Variants in MTHFD1L observed in about 807,000 individuals in gnomAD.
MTHFD1L encodes the protein monofunctional C1-tetrahydrofolate synthase, mitochondrial.
In MTHFD1L, 81 loss-of-function variants were observed where a neutral mutation model predicts 119.5. The ratio of observed to expected loss-of-function variants is 0.68; its 90% CI spans 0.57 to 0.82. MTHFD1L has a LOEUF of 0.82. Among genes scored for constraint, MTHFD1L ranks in the 40% least tolerant of loss-of-function variants. The probability of loss-of-function intolerance (pLI) is 0.00; values close to 1 mark genes in which losing one functional copy is unlikely to be tolerated. For missense variants in MTHFD1L, 1,125 were observed against 1,253.4 expected, an observed-to-expected ratio of 0.90 and a Z score of 1.55; for synonymous variants, 430 against 475.2, an observed-to-expected ratio of 0.90 and a Z score of 1.24.
At position 150,956,008 on chromosome 6, in the gene MTHFD1L, T is replaced by C; in HGVS notation, c.1740T>C (p.Asn580=). The change falls in exon 17 of 28, where the codon AAT becomes AAC. Residue 580 remains asparagine, a synonymous_variant. Coordinates refer to ENST00000367321, the MANE Select transcript of MTHFD1L (RefSeq NM_015440.5). The stretch of plus-strand genomic sequence containing the variant: ...GTTCTCTTTCAGTATTGGATACAAA[T>C]GACCGATTTCTACGAAAAATAACCA... ...TITWQRVLDT[N]DRFLRKITIG... The C allele has an allele frequency of 3.1e-6, 5 of 1,613,978 alleles. No individual in the cohort carries two copies. Among genetic ancestry groups the C allele is most frequent in the South Asian group, 1.1e-5 (1 of 91,084 alleles).
intron 7 of MTHFD1L, among the ~76,000 whole-genome samples, chr6:150,905,036 C>CTTTT (rs36039459): frequency 0.018 from 1,968 of 111,618 alleles, 48 homozygotes; most frequent in Non-Finnish European, 0.025. Context: ...TTGTTTTCCT[C>CTTTT]TTTTTTTTTT....
At chr6:150,870,260 T>C (rs1459199611) in intron 1 of MTHFD1L, among the ~76,000 whole-genome samples, 3 of 152,198 alleles carry the variant, frequency 2.0e-5, no homozygotes, top group African/African-American at 7.2e-5. Flanking sequence ...AAATCTCTGA[T>C]TAGAAACATT....
At chr6:151,015,728 T>TA in intron 24 of MTHFD1L, 35 bp downstream of exon 24, 3 of 1,602,746 alleles carry the variant, frequency 1.9e-6, no homozygotes, top group Non-Finnish European at 2.6e-6. Context: ...TCACATTTCT[T>TA]ACACCTTAGC....
intron 26 of MTHFD1L, among the ~76,000 whole-genome samples, chr6:151,042,869 A>G (rs1787342214): frequency 6.6e-6 from 1 of 152,164 alleles, no homozygotes; most frequent in Non-Finnish European, 1.5e-5. Flanking sequence ...TCACTTTTAT[A>G]ACATGAAAAT....
intron 9 of MTHFD1L, among the ~76,000 whole-genome samples, chr6:150,921,041 T>C (rs1788830584): frequency 7.0e-6 from 1 of 141,862 alleles, no homozygotes; most frequent in African/African-American, 2.6e-5. Flanking sequence ...AACCTCCATC[T>C]CCCGGGCTCA....
At position 151,009,949 on chromosome 6, in the gene MTHFD1L, C is replaced by T. The variant is rs766076708; in HGVS notation, c.2256C>T (p.Gly752=). ...TGCGAGCTCTGAAGATGCATGGAGG[C>T]GGGCCAAGTGTAAGTGCCCACACCG... ...ATVRALKMHG[G]GPSVTAGVPL... The change falls in exon 21 of 28, where the codon GGC becomes GGT. Residue 752 remains glycine (G), a synonymous_variant. Coordinates refer to ENST00000367321, the MANE Select transcript of MTHFD1L (RefSeq NM_015440.5). The T allele has an allele frequency of 2.2e-5, 36 of 1,605,554 alleles. 1 individual carries two copies. The highest frequency in any genetic ancestry group is 1.9e-4 in the South Asian group (17 of 89,442).
chr6:150,878,189 T>TTC (rs1780788636), intron 4 of MTHFD1L, among the ~76,000 whole-genome samples: 2 of 152,140 alleles, frequency 1.3e-5, no homozygotes, highest in Non-Finnish European at 2.9e-5. Flanking sequence ...TCCTACTGGC[T>TTC]TCATGTGACA....
At chr6:150,998,060 CAT>C (rs1554275094) in intron 20 of MTHFD1L, among the ~76,000 whole-genome samples, 11 of 152,160 alleles carry the variant, frequency 7.2e-5, no homozygotes, top group Non-Finnish European at 1.6e-4. Context: ...TATATGACAC[CAT>C]GTGTGTGCAA....
chr6:150,886,035 T>C (rs1426818888), intron 6 of MTHFD1L, among the ~76,000 whole-genome samples: 1 of 152,214 alleles, frequency 6.6e-6, no homozygotes, highest in Non-Finnish European at 1.5e-5. Context: ...TTAAACATGC[T>C]CAATTTCTCT....
intron 26 of MTHFD1L, among the ~76,000 whole-genome samples, chr6:151,043,996 T>C (rs1787548882): frequency 6.6e-6 from 1 of 152,220 alleles, no homozygotes; most frequent in African/African-American, 2.4e-5. Context: ...ACTGATAATA[T>C]TTGGAATATC....
intron 6 of MTHFD1L, among the ~76,000 whole-genome samples, chr6:150,886,232 A>G (rs115105958): frequency 0.01 from 1,535 of 152,320 alleles, 23 homozygotes; most frequent in African/African-American, 0.035. Flanking sequence ...CAGGAGTTCG[A>G]GACCAGCCTG....
intron 24 of MTHFD1L, among the ~76,000 whole-genome samples, chr6:151,017,658 T>TCC (rs1783305195): frequency 6.6e-6 from 1 of 151,956 alleles, no homozygotes; most frequent in African/African-American, 2.4e-5. Context: ...ATTTCCTTTA[T>TCC]TTTTCGGGCT....
intron 26 of MTHFD1L, among the ~76,000 whole-genome samples, chr6:151,051,192 T>A (rs966752798): frequency 5.9e-5 from 9 of 152,202 alleles, no homozygotes; most frequent in African/African-American, 2.2e-4. Context: ...ATCAGAAATT[T>A]CAAGAGTTTT....
chr6:150,867,015 T>C (rs1023631806), intron 1 of MTHFD1L, among the ~76,000 whole-genome samples: 20 of 152,170 alleles, frequency 1.3e-4, no homozygotes, highest in African/African-American at 4.6e-4. Context: ...CCTTTCCTTC[T>C]AGCCTTCTTT....
At chr6:150,972,846 G>A (rs183249191) in intron 20 of MTHFD1L, among the ~76,000 whole-genome samples, 7 of 151,692 alleles carry the variant, frequency 4.6e-5, no homozygotes, top group Admixed American at 4.1e-4. Flanking sequence ...TTAATTGGTA[G>A]TACTGCACAC....
rs1562335007 is a variant in MTHFD1L at position 150,895,612 on chromosome 6, G to GT, written c.780+7631_780+7632insT. Among the ~76,000 whole-genome samples the GT allele has an allele frequency of 9.2e-5, 9 of 97,446 alleles. 1 individual carries two copies. The South Asian group carries it at 2.8e-3, about 31-fold the overall frequency. The allele number at this position is 97,446 out of a possible 152,430, so 63.9% of individuals were successfully genotyped here. ...GATCAAAGTGTCTAGGGTTTTTTGTGGTTTTTTTTTTTTTTTTTTGAACAA... is the reference window on the plus strand; with the variant it reads ...GATCAAAGTGTCTAGGGTTTTTTGTGTGTTTTTTTTTTTTTTTTTTGAACAA... On this transcript the variant is annotated intron_variant, in intron 7 of 27. Coordinates refer to ENST00000367321, the MANE Select transcript of MTHFD1L (RefSeq NM_015440.5).
intron 26 of MTHFD1L, among the ~76,000 whole-genome samples, chr6:151,041,618 C>T (rs1787118155): frequency 6.6e-6 from 1 of 152,190 alleles, no homozygotes; most frequent in South Asian, 2.1e-4. Flanking sequence ...TTATTAAATG[C>T]CTACAGCACG....
chr6:151,035,848 A>G (rs1786083051), intron 25 of MTHFD1L, among the ~76,000 whole-genome samples: 1 of 152,202 alleles, frequency 6.6e-6, no homozygotes, highest in Non-Finnish European at 1.5e-5. Context: ...TTTTTACATT[A>G]GCAAACCTGT....
At chr6:151,068,933 A>G (rs938790760) in intron 26 of MTHFD1L, among the ~76,000 whole-genome samples, 8 of 152,206 alleles carry the variant, frequency 5.3e-5, no homozygotes, top group Admixed American at 3.9e-4. Context: ...AGCATTGATC[A>G]TGGGATCCCG....
Sources: gnomAD v4.1 joint callset for allele counts (sites outside exome capture counted in the v4.1 genomes callset) on GRCh38, gnomAD v4.1.1 for gene constraint, MANE v1.5 for transcripts, NCBI Gene and HGNC (gene_info 2026-07-23, HGNC 2026-07-21) for gene names.